The following HNRNPU variants were observed in gnomAD, a reference collection of about 807,000 sequenced individuals.
The protein encoded by HNRNPU is HNRNPU antisense RNA 1.
In HNRNPU, 5 loss-of-function variants were observed where a neutral mutation model predicts 94.7. The ratio of observed to expected loss-of-function variants is 0.05; its 90% confidence interval spans 0.03 to 0.11. The LOEUF is 0.11. HNRNPU is among the 10% of genes least tolerant of loss of function. The pLI, the probability that HNRNPU is intolerant of heterozygous loss-of-function variation, is 1.00. For synonymous variants in HNRNPU, 434 were observed against 381.6 expected (o/e 1.14, Z -1.60); for missense variants, 710 against 1,049.2 (o/e 0.68, Z 4.47).
rs565570352 is a variant in HNRNPU, at chr1:244,852,007, A to G, written c.*2443T>C. 6.6e-6 allele frequency: 1 copy of G among 152,340 alleles called. No homozygotes were observed. Among genetic ancestry groups the G allele is most frequent in the East Asian group, 1.9e-4 (1 of 5,192 alleles). The allele number at this position is 152,340 out of a possible 1,614,324, so 9.4% of individuals were successfully genotyped here. ...GAAAGCACCCTTCAAATCAACAGCA[A>G]TCTCACAGTGAGTTTCCTCTGGGTA... On this transcript the variant is annotated 3_prime_UTR_variant, in exon 14 of 14. Transcript: ENST00000640218.
At chr1:244,860,710 G>A (rs1400651875) in intron 3 of HNRNPU, 2 of 553,190 alleles carry the variant, frequency 3.6e-6, no homozygotes, top group Non-Finnish European at 6.3e-6. Context: ...GGTTTAACAT[G>A]TATATTTTAA....
Position 244,852,561 on chromosome 1 carries a change from C to CA in HNRNPU, c.*1888dup, listed in dbSNP as rs1680576435. The CA allele has an allele frequency of 6.6e-6, 1 of 152,110 alleles. No homozygotes were observed. Among genetic ancestry groups the CA allele is most frequent in the South Asian group, 2.1e-4 (1 of 4,832 alleles). 9.4% of individuals were successfully genotyped at this position (152,110 alleles called of 1,614,324 possible). A position where few individuals can be genotyped will look rare whatever the true frequency, so the allele number is the denominator to read the frequency against. On this transcript the variant is annotated 3_prime_UTR_variant, in exon 14 of 14. Transcript: ENST00000640218. ...TATACTGAAGAGTAGTAGCTCAGGC[C>CA]AGTGGTTCTTAGCATTACTTGCTAA...
chr1:244,855,743 A>C, intron 11 of HNRNPU, 135 bp from the exon 12 acceptor site: 1 of 1,270,338 alleles, frequency 7.9e-7, no homozygotes. Context: ...AATTCTAACC[A>C]TTAACATAAC....
Position 244,858,820 on chromosome 1 carries a change from C to A in HNRNPU, c.1139G>T (p.Gly380Val). 6.5e-7 allele frequency: 1 copy of A among 1,541,086 alleles called. No individual in the cohort carries two copies. Among genetic ancestry groups the A allele is most frequent in the Non-Finnish European group, 9.0e-7 (1 of 1,116,452 alleles). ...TGTTTTTATTCCTTTTAGAGAATAC[C>A]CATAAGAAAATTCTTCTTCACCTAA... ...MLLGEEEFSY[G>V]YSLKGIKTCN... Residue 380 changes from glycine to valine, a missense_variant, in exon 6 of 14, where the codon GGG (glycine) becomes GTG (valine). By Grantham distance (109) the Gly-to-Val change is moderately radical. Around this residue, in one of 8 missense-constraint regions of HNRNPU, gnomAD observed 150 missense variants for 187.9 expected, o/e 0.80. Coordinates refer to ENST00000640218, the MANE Select transcript of HNRNPU (RefSeq NM_031844.3).
Position 244,862,472 on chromosome 1 carries a change from C to T in HNRNPU, c.866G>A (p.Cys289Tyr). The change falls in exon 3 of 14, where the codon TGT becomes TAT. Residue 289 changes from cysteine to tyrosine, a missense_variant. Cys to Tyr is a radical substitution (Grantham distance 194). Transcript: ENST00000640218. ...ACAGCTTCACTTACAAGTATCAAGA[C>T]AAACCACTGTGTCATCGAAGTGTTC... Reference protein sequence around the residue: ...EDEHFDDTVVCLDTYNCDLHF... With the variant: ...EDEHFDDTVVYLDTYNCDLHF... The T allele has an allele frequency of 6.2e-7, 1 of 1,608,112 alleles. No individual in the cohort carries two copies. Among genetic ancestry groups the T allele is most frequent in the Non-Finnish European group, 8.5e-7 (1 of 1,177,190 alleles).
intron 1 of HNRNPU, 69 bp downstream of exon 1, chr1:244,863,548 C>G: frequency 7.8e-7 from 1 of 1,278,142 alleles, no homozygotes; most frequent in Non-Finnish European, 9.8e-7. Context: ...GGGGCTCCGG[C>G]AGGCCTGGGG....
Position 244,856,147 on chromosome 1 carries a change from G to A in HNRNPU, c.1924C>T (p.Leu642Phe), listed in dbSNP as rs1046709142. 5.0e-6 allele frequency: 8 copies of A among 1,606,590 alleles called. No homozygotes were observed. Among genetic ancestry groups the A allele is most frequent in the Non-Finnish European group, 6.8e-6 (8 of 1,177,904 alleles). The change falls in exon 11 of 14, where the codon CTC (leucine) becomes TTC (phenylalanine). Residue 642 changes from leucine to phenylalanine, a missense_variant. Coordinates refer to ENST00000640218, the MANE Select transcript of HNRNPU (RefSeq NM_031844.3). ...TCAAAGCACTCAGCTACCTCTGGGA[G>A]GGTAAAGTTTCCTGCAGGAAACAAA... ...AVLKMKGNFT[L>F]PEVAECFDEI... is the part of the protein sequence containing the mutation.
chr1:244,858,873 T>C, intron 5 of HNRNPU, 32 bp from the exon 6 acceptor site: 1 of 1,037,692 alleles, frequency 9.6e-7, no homozygotes, highest in South Asian at 1.3e-5. Context: ...ATGAAGTAGA[T>C]GTTTAAAATA....
chr1:244,855,028 C>A lies in HNRNPU; in HGVS notation c.2369G>T (p.Gly790Val). 1.2e-6 allele frequency: 2 copies of A among 1,613,676 alleles called. No homozygotes were observed. Among genetic ancestry groups the A allele is most frequent in the Non-Finnish European group, 1.7e-6 (2 of 1,179,630 alleles). ...GNYNQNFRGR[G>V]NNRGYKNQSQ... The stretch of plus-strand genomic sequence containing the variant: ...TTGATTTTTGTAGCCACGATTGTTT[C>A]CTCGTCCTCTGAAGTTCTACAAAAA... Residue 790 changes from glycine (G) to valine (V), a missense_variant, in exon 13 of 14, where the codon GGA (glycine) becomes GTA (valine). Gly to Val is a moderately radical substitution (Grantham distance 109). Transcript: ENST00000640218.
At position 244,859,430 on chromosome 1, in the gene HNRNPU, ACT is replaced by A. The variant is rs1229359405; in HGVS notation, c.1018-58_1018-57del. On this transcript the variant is annotated intron_variant, in intron 4 of 13. Coordinates refer to ENST00000640218, the MANE Select transcript of HNRNPU (RefSeq NM_031844.3). Reference sequence around the variant, plus strand: ...AATACACCAAGGAGGTAACCCCTTAACTCTCGCATATTTCATTGCGCCACGGG... The same window carrying A: ...AATACACCAAGGAGGTAACCCCTTAACTCGCATATTTCATTGCGCCACGGG... 88 of 852,086 alleles carry A rather than the reference ACT, an allele frequency of 1.0e-4. No individual in the cohort carries two copies. In the East Asian group the frequency reaches 2.1e-3, roughly 20 times the overall value. The allele number at this position is 852,086 out of a possible 1,614,324, so 52.8% of individuals were successfully genotyped here.
At chr1:244,863,578 G>C in intron 1 of HNRNPU, 39 bp downstream of exon 1, 3 of 1,377,884 alleles carry the variant, frequency 2.2e-6, no homozygotes, top group Non-Finnish European at 2.8e-6. Context: ...CACCCCGCGC[G>C]GGCCTCCCGC....
In HNRNPU at chr1:244,851,219, C is replaced by T. The variant is rs1680540356; in HGVS notation, c.*3231G>A. 1 of 152,208 alleles carries T rather than the reference C, an allele frequency of 6.6e-6. No individual in the cohort carries two copies. Among genetic ancestry groups the T allele is most frequent in the Non-Finnish European group, 1.5e-5 (1 of 68,040 alleles). The allele number at this position is 152,208 out of a possible 1,614,324, so 9.4% of individuals were successfully genotyped here. On this transcript the variant is annotated 3_prime_UTR_variant, in exon 14 of 14. Coordinates refer to ENST00000640218, the MANE Select transcript of HNRNPU (RefSeq NM_031844.3). ...CCAATGCTAAACACTACCACTTGGACTCTAAGATATGTTTATGCCTCTCTG... is the reference window on the plus strand; with the variant it reads ...CCAATGCTAAACACTACCACTTGGATTCTAAGATATGTTTATGCCTCTCTG...
chr1:244,856,978 G>T, intron 8 of HNRNPU, 122 bp from the exon 9 acceptor site: 1 of 795,276 alleles, frequency 1.3e-6, no homozygotes, highest in South Asian at 1.9e-5. Context: ...TATTACCTTT[G>T]TCCATTATTG....
rs73128483 is a variant in HNRNPU at position 244,852,767 on chromosome 1, A to G, written c.*1683T>C. On this transcript the variant is annotated 3_prime_UTR_variant, in exon 14 of 14. Coordinates refer to ENST00000640218, the MANE Select transcript of HNRNPU (RefSeq NM_031844.3). ...GATCTGATTTTAAAGGGCTAAAACA[A>G]AATTCTAAGCAATCAGAAATATAGC... 1.5e-3 allele frequency: 225 copies of G among 152,370 alleles called. 1 individual carries two copies. Among genetic ancestry groups the G allele is most frequent in the African/African-American group, 5.3e-3 (220 of 41,584 alleles). The allele number at this position is 152,370 out of a possible 1,614,324, so 9.4% of individuals were successfully genotyped here. A position where few individuals can be genotyped will look rare whatever the true frequency, so the allele number is the denominator to read the frequency against.
chr1:244,856,946 A>G, intron 8 of HNRNPU, 90 bp from the exon 9 acceptor site: 1 of 1,062,268 alleles, frequency 9.4e-7, no homozygotes, highest in East Asian at 2.4e-5. Flanking sequence ...TATGTAAAGC[A>G]GGCAACATTT....
At chr1:244,859,546 C>T in intron 4 of HNRNPU, 172 bp from the exon 5 acceptor site, 1 of 432,700 alleles carries the variant, frequency 2.3e-6, no homozygotes, top group Non-Finnish European at 4.1e-6. Context: ...GTGCTTATAA[C>T]TTGAAATTTA....
At chr1:244,858,387 A>C in intron 6 of HNRNPU, 113 bp from the exon 7 acceptor site, 1 of 982,720 alleles carries the variant, frequency 1.0e-6, no homozygotes, top group Non-Finnish European at 1.5e-6. Flanking sequence ...AGGTTAAAGA[A>C]CTATTAGGTG....
intron 6 of HNRNPU, 139 bp from the exon 7 acceptor site, chr1:244,858,413 A>C: frequency 1.4e-6 from 1 of 715,906 alleles, no homozygotes; most frequent in Non-Finnish European, 2.3e-6. Flanking sequence ...TAAGGGCTAC[A>C]CAGTTAAGAA....
Position 244,864,227 on chromosome 1 carries a change from G to A in HNRNPU, c.81C>T (p.Asp27=), listed in dbSNP as rs1259160579. The A allele has an allele frequency of 6.2e-7, 1 of 1,612,880 alleles. No individual in the cohort carries two copies. Among genetic ancestry groups the A allele is most frequent in the African/African-American group, 1.3e-5 (1 of 74,916 alleles). ...CCATGAGCTCGGCCTTGAGACCCTT[G>A]TCAGAAAGGCGTCGCTTCTTGAGCT... ...KEELKKRRLS[D]KGLKAELMER... is the part of the protein sequence containing the mutation. Residue 27 remains aspartate, a synonymous_variant, in exon 1 of 14, where the codon GAC becomes GAT. Coordinates refer to ENST00000640218, the MANE Select transcript of HNRNPU (RefSeq NM_031844.3).
Sources: allele counts gnomAD v4.1 joint callset, GRCh38; gene constraint gnomAD v4.1.1; regional missense constraint gnomAD v4.1.1; transcripts MANE v1.5; gene names NCBI Gene and HGNC (gene_info 2026-07-23, HGNC 2026-07-21).